Variants in CLEC12A observed in about 807,000 individuals in gnomAD.
CLEC12A encodes the protein C-type lectin protein CLL-1.
Under a neutral mutation model 26.5 loss-of-function variants are expected in CLEC12A, and 22 were observed. The observed-to-expected ratio is 0.83, with a 90% CI of 0.59 to 1.19. CLEC12A has a LOEUF of 1.19. Among genes scored for constraint, CLEC12A ranks in the 50% most tolerant of loss-of-function variants. CLEC12A has a pLI of 0.00. For synonymous variants in CLEC12A, 119 were observed against 101.9 expected (o/e 1.17, Z -1.01); for missense variants, 353 against 315.6 (o/e 1.12, Z -0.90).
At chr12:9,974,156 C>T (rs1864241623) in intron 1 of CLEC12A, among the ~76,000 whole-genome samples, 1 of 152,176 alleles carries the variant, frequency 6.6e-6, no homozygotes, top group Non-Finnish European at 1.5e-5. Context: ...TCTTCCATTA[C>T]TTCACTTCCC....
downstream of CLEC12A, among the ~76,000 whole-genome samples, chr12:9,988,001 T>C (rs548312280): frequency 2.5e-3 from 374 of 152,024 alleles, 2 homozygotes; most frequent in African/African-American, 8.8e-3. Flanking sequence ...GGCTGTGGAC[T>C]GTTGAGTTAA....
intron 1 of CLEC12A, among the ~76,000 whole-genome samples, chr12:9,964,073 G>A (rs1043038429): frequency 2.6e-5 from 4 of 152,212 alleles, no homozygotes; most frequent in Non-Finnish European, 5.9e-5. Context: ...ACATAAAGGA[G>A]CAGCCACAGG....
At chr12:9,991,863 A>C (rs1864901724) in intron 4 of CLEC12A, 1 of 152,100 alleles carries the variant, frequency 6.6e-6, no homozygotes, top group South Asian at 2.1e-4. Context: ...CCAGATAGAG[A>C]GTAAGTTCTA....
intron 1 of CLEC12A, among the ~76,000 whole-genome samples, chr12:9,964,019 G>A (rs1863884129): frequency 6.6e-6 from 1 of 152,222 alleles, no homozygotes; most frequent in African/African-American, 2.4e-5. Flanking sequence ...ACATCAAAGT[G>A]AAAGGTTACC....
intron 1 of CLEC12A, among the ~76,000 whole-genome samples, chr12:9,977,095 G>T (rs686148): frequency 6.6e-6 from 1 of 152,068 alleles, no homozygotes; most frequent in Admixed American, 6.5e-5. Flanking sequence ...TAACCCTAAA[G>T]ATGGTGTTTT....
chr12:10,001,429 G>C, the CLEC12A span, among the ~76,000 whole-genome samples: 10 of 152,082 alleles, frequency 6.6e-5, no homozygotes, highest in South Asian at 2.1e-4. Context: ...ATTTAACCTT[G>C]CTTTTTGGAT....
intron 5 of CLEC12A, among the ~76,000 whole-genome samples, 191 bp downstream of exon 5, chr12:9,982,320 CAAGT>C (rs1305196693): frequency 6.6e-6 from 1 of 151,956 alleles, no homozygotes; most frequent in East Asian, 1.9e-4. Flanking sequence ...ATAATTTTGA[CAAGT>C]AACTAACAAA....
At chr12:9,962,777 C>A (rs1025920907) in intron 1 of CLEC12A, among the ~76,000 whole-genome samples, 1 of 152,126 alleles carries the variant, frequency 6.6e-6, no homozygotes, top group East Asian at 1.9e-4. Flanking sequence ...CAGGAACCGG[C>A]CATCTGGATG....
At chr12:9,998,216 G>A (rs189286367), downstream of CLEC12A, 1,742 of 1,189,012 alleles carry the variant, frequency 1.5e-3, 5 homozygotes, top group Admixed American at 3.4e-3. Context: ...GAAGCTTAGT[G>A]GGATATGCCA....
chr12:9,954,053 A>G (rs1487715841), intron 1 of CLEC12A, among the ~76,000 whole-genome samples: 1 of 147,116 alleles, frequency 6.8e-6, no homozygotes, highest in Admixed American at 6.8e-5. Context: ...ATCTCAAGTA[A>G]TCAGGGACAC....
At chr12:9,993,359 G>T in intron 4 of CLEC12A, 2 of 1,038,914 alleles carry the variant, frequency 1.9e-6, no homozygotes, top group Non-Finnish European at 2.9e-6. Context: ...TCTGCGTATA[G>T]TAGTTTGATG....
intron 1 of CLEC12A, among the ~76,000 whole-genome samples, chr12:9,974,685 A>G (rs1050070950): frequency 1.3e-5 from 2 of 152,140 alleles, no homozygotes; most frequent in Non-Finnish European, 2.9e-5. Flanking sequence ...AGTGTCTGAT[A>G]CTTTGCAGTC....
intron 5 of CLEC12A, among the ~76,000 whole-genome samples, chr12:9,982,791 C>T (rs1469241319): frequency 6.6e-6 from 1 of 152,056 alleles, no homozygotes; most frequent in Non-Finnish European, 1.5e-5. Context: ...ATTTTCTTCC[C>T]ACCCTCCTAC....
downstream of CLEC12A, chr12:9,996,784 A>G (rs1251679172): frequency 1.9e-6 from 3 of 1,554,446 alleles, no homozygotes; most frequent in Non-Finnish European, 2.7e-6. Flanking sequence ...AAAAAGGTCA[A>G]GTGTTACATT....
chr12:9,952,146 C>T (rs1310021712), intron 1 of CLEC12A: 4 of 126,928 alleles, frequency 3.2e-5, no homozygotes, highest in East Asian at 2.4e-4. Context: ...TCTCCCTCTC[C>T]GTCTCCCTCT....
intron 4 of CLEC12A, among the ~76,000 whole-genome samples, 162 bp downstream of exon 4, chr12:9,980,895 T>C (rs894330300): frequency 1.3e-5 from 2 of 152,166 alleles, no homozygotes; most frequent in Non-Finnish European, 2.9e-5. Flanking sequence ...AGGTAAAACA[T>C]ACAAGTTTAG....
chr12:9,983,731 GTT>G, intron 5 of CLEC12A: 1 of 471,112 alleles, frequency 2.1e-6, no homozygotes, highest in Non-Finnish European at 3.8e-6. Flanking sequence ...AGAATTTTTT[GTT>G]TTGTTTTGTT....
chr12:10,002,445 T>TGTGACCAGAAATATGC, the CLEC12A span, among the ~76,000 whole-genome samples: 7 of 38,014 alleles, frequency 1.8e-4, no homozygotes, highest in South Asian at 4.5e-4. Flanking sequence ...GTAATGTTTT[T>TGTGACCAGAAATATGC]TTTTTTTTTT....
At chr12:9,997,528 C>A (rs532487075), downstream of CLEC12A, among the ~76,000 whole-genome samples, 1 of 152,282 alleles carries the variant, frequency 6.6e-6, no homozygotes, top group African/African-American at 2.4e-5. Flanking sequence ...AAAATCCCAA[C>A]ATCGATAACA....
Sources: gnomAD v4.1 joint callset for allele counts (sites outside exome capture counted in the v4.1 genomes callset) on GRCh38, gnomAD v4.1.1 for gene constraint, MANE v1.5 for transcripts, NCBI Gene and HGNC (gene_info 2026-07-23, HGNC 2026-07-21) for gene names.